Variants in ERC1 observed in about 807,000 individuals in gnomAD.
ERC1 encodes the protein ELKS/RAB6-interacting/CAST family member 1.
A neutral mutation model predicts 132.0 loss-of-function variants in ERC1; 56 were observed. The ratio of observed to expected loss-of-function variants is 0.42; its 90% confidence interval spans 0.34 to 0.53. ERC1 has a LOEUF of 0.53. ERC1 is among the 20% of genes least tolerant of loss of function. The pLI, the probability that ERC1 is intolerant of heterozygous loss-of-function variation, is 0.03. For synonymous variants in ERC1, 478 were observed against 476.1 expected (o/e 1.00, Z -0.05); for missense variants, 1,202 against 1,349.9 (o/e 0.89, Z 1.72).
intron 18 of ERC1, among the ~76,000 whole-genome samples, chr12:1,454,800 A>G (rs1230226856): frequency 2.6e-5 from 4 of 152,236 alleles, no homozygotes; most frequent in African/African-American, 7.2e-5. Flanking sequence ...ACAATGTACA[A>G]TACTGTTGAG....
chr12:1,312,442 A>C (rs562141592), intron 15 of ERC1, among the ~76,000 whole-genome samples: 1 of 151,986 alleles, frequency 6.6e-6, no homozygotes, highest in African/African-American at 2.4e-5. Context: ...GCTCACTGCA[A>C]CCACCTCCCG....
At chr12:1,438,957 A>G (rs1483319752) in intron 17 of ERC1, among the ~76,000 whole-genome samples, 2 of 131,118 alleles carry the variant, frequency 1.5e-5, no homozygotes, top group Non-Finnish European at 3.2e-5. Context: ...AAAAAAAAAT[A>G]TATATATATA....
chr12:1,373,772 C>G (rs914086318), intron 16 of ERC1, among the ~76,000 whole-genome samples: 1 of 151,918 alleles, frequency 6.6e-6, no homozygotes, highest in African/African-American at 2.4e-5. Context: ...GGACGAGAGT[C>G]CGTCTCAAAA....
At chr12:1,290,790 A>AGTTATCTTTATTTTT (rs1412549803) in intron 15 of ERC1, among the ~76,000 whole-genome samples, 1 of 152,064 alleles carries the variant, frequency 6.6e-6, no homozygotes, top group Non-Finnish European at 1.5e-5. Context: ...TTCTGTGAGC[A>AGTTATCTTTATTTTT]GTTATCTTTA....
chr12:1,457,568 TC>T (rs1354956202), intron 18 of ERC1, among the ~76,000 whole-genome samples: 4 of 152,166 alleles, frequency 2.6e-5, no homozygotes, highest in Non-Finnish European at 5.9e-5. Flanking sequence ...AATTTTCAAG[TC>T]TTTGGAAAGA....
At chr12:1,414,323 T>C (rs568021871) in intron 17 of ERC1, among the ~76,000 whole-genome samples, 1 of 152,342 alleles carries the variant, frequency 6.6e-6, no homozygotes, top group Non-Finnish European at 1.5e-5. Context: ...TGCAGATGGC[T>C]GGCTTCTCAC....
chr12:1,356,212 A>AGTGTGTGTGTG lies in ERC1; in HGVS notation c.2781-15621_2781-15620insGTGTGTGTGTG, dbSNP rs1489476709. Among the ~76,000 whole-genome samples, 1,017 of 118,988 alleles carry AGTGTGTGTGTG rather than the reference A, an allele frequency of 8.5e-3. 15 individuals are homozygous for AGTGTGTGTGTG. Among genetic ancestry groups the AGTGTGTGTGTG allele is most frequent in the African/African-American group, 0.027 (811 of 30,124 alleles). 78.1% of individuals were successfully genotyped at this position (118,988 alleles called of 152,430 possible). A position where few individuals can be genotyped will look rare whatever the true frequency, so the allele number is the denominator to read the frequency against. The stretch of plus-strand genomic sequence containing the variant: ...AAGTGAGACTGTCAAAAAAAAAAAA[A>AGTGTGTGTGTG]AGTGTGTGTGTGTGTGTGTGTGTGT... On this transcript the variant is annotated intron_variant, in intron 15 of 18. Coordinates refer to ENST00000360905, the MANE Select transcript of ERC1 (RefSeq NM_178040.4).
intron 2 of ERC1, among the ~76,000 whole-genome samples, chr12:1,074,719 AGATTTATGTACAGCATTC>A (rs1941052787): frequency 6.6e-6 from 1 of 152,220 alleles, no homozygotes. Context: ...CTTGCTACTT[AGATTTATGTACAGCATTC>A]GCAGAGCAAA....
At chr12:1,083,610 T>G in intron 3 of ERC1, 30 bp downstream of exon 3, 9 of 1,522,440 alleles carry the variant, frequency 5.9e-6, no homozygotes, top group Non-Finnish European at 8.0e-6. Context: ...GTTTTATGAT[T>G]TGTTGGTTAT....
intron 1 of ERC1, among the ~76,000 whole-genome samples, chr12:1,010,747 A>G (rs1455031357): frequency 6.6e-6 from 1 of 151,876 alleles, no homozygotes; most frequent in Non-Finnish European, 1.5e-5. Context: ...TCCTGACCTC[A>G]GGTGATCCGT....
rs146067150 is a variant in ERC1, at chr12:1,274,635, G to A, written c.2619+11470G>A. 3.7e-3 allele frequency among the ~76,000 whole-genome samples: 567 copies of A among 152,126 alleles called. 4 individuals are homozygous for A. Among genetic ancestry groups the A allele is most frequent in the African/African-American group, 0.013 (535 of 41,494 alleles). On this transcript the variant is annotated intron_variant, in intron 14 of 18. Coordinates refer to ENST00000360905, the MANE Select transcript of ERC1 (RefSeq NM_178040.4). Reference sequence around the variant, plus strand: ...AGCCTCCCAGGTAGCTGGGATTACAGGCATGCATCACCACACCCGGCTAAT... The same window carrying A: ...AGCCTCCCAGGTAGCTGGGATTACAAGCATGCATCACCACACCCGGCTAAT...
chr12:1,262,995 T>C, intron 13 of ERC1, 39 bp from the exon 14 acceptor site: 2 of 1,607,332 alleles, frequency 1.2e-6, no homozygotes, highest in Non-Finnish European at 1.7e-6. Flanking sequence ...CTGGGTTAAG[T>C]AATTAATCCA....
At chr12:1,246,328 G>C (rs531203338) in intron 13 of ERC1, among the ~76,000 whole-genome samples, 15 of 150,196 alleles carry the variant, frequency 1.0e-4, no homozygotes, top group African/African-American at 3.4e-4. Flanking sequence ...TGAAACGTGA[G>C]CAAAAGAAAA....
rs944307595 is a variant in ERC1, at chr12:1,491,405, A to G, written c.*1175A>G. The stretch of plus-strand genomic sequence containing the variant: ...TTCCTTCCTCGGTTATTTCATTCAG[A>G]GAATATTTATGAAATGCCTACTGTG... On this transcript the variant is annotated 3_prime_UTR_variant, in exon 19 of 19. Coordinates refer to ENST00000360905, the MANE Select transcript of ERC1 (RefSeq NM_178040.4). 3 of 230,914 alleles carry G rather than the reference A, an allele frequency of 1.3e-5. No individual in the cohort carries two copies. Among genetic ancestry groups the G allele is most frequent in the African/African-American group, 6.6e-5 (3 of 45,228 alleles). The allele number at this position is 230,914 out of a possible 1,614,324, so 14.3% of individuals were successfully genotyped here.
chr12:1,467,216 A>T (rs1229254006), intron 18 of ERC1, among the ~76,000 whole-genome samples: 1 of 152,212 alleles, frequency 6.6e-6, no homozygotes, highest in Non-Finnish European at 1.5e-5. Context: ...GTGTGATGGG[A>T]TATTGGATAA....
chr12:1,304,008 T>C (rs963113755), intron 15 of ERC1, among the ~76,000 whole-genome samples: 2 of 151,854 alleles, frequency 1.3e-5, no homozygotes, highest in Admixed American at 6.5e-5. Flanking sequence ...GATATATATC[T>C]AGATTTTTTT....
intron 15 of ERC1, among the ~76,000 whole-genome samples, chr12:1,290,943 T>TC (rs2079408289): frequency 6.6e-6 from 1 of 152,216 alleles, no homozygotes; most frequent in African/African-American, 2.4e-5. Context: ...CTTGCTCACT[T>TC]CTTCTCTGCA....
chr12:1,196,907 C>T (rs1289373015), intron 12 of ERC1, among the ~76,000 whole-genome samples: 6 of 1,086 alleles, frequency 5.5e-3, no homozygotes, highest in African/African-American at 0.032. Flanking sequence ...TGTCTCTCTA[C>T]ACACACACAC....
At chr12:1,304,777 C>CTATT (rs1395492621) in intron 15 of ERC1, among the ~76,000 whole-genome samples, 1 of 101,226 alleles carries the variant, frequency 9.9e-6, no homozygotes, top group African/African-American at 3.4e-5. Flanking sequence ...TTTGTTGTAA[C>CTATT]TCTTTTTTTT....
Sources: gnomAD v4.1 joint callset for allele counts (sites outside exome capture counted in the v4.1 genomes callset) on GRCh38, gnomAD v4.1.1 for gene constraint, MANE v1.5 for transcripts, NCBI Gene and HGNC (gene_info 2026-07-23, HGNC 2026-07-21) for gene names.